LY75: variants seen among roughly 807,000 people sequenced by gnomAD.
The protein encoded by LY75 is lymphocyte antigen 75.
In LY75, 185 loss-of-function variants were observed where a neutral mutation model predicts 231.7. The ratio of observed to expected loss-of-function variants is 0.80; its 90% CI spans 0.71 to 0.90. LY75 has a LOEUF of 0.90. Among genes scored for constraint, LY75 ranks in the 40% least tolerant of loss-of-function variants. The pLI, the probability that LY75 is intolerant of heterozygous loss-of-function variation, is 0.00. For missense variants in LY75, 1,947 were observed against 2,050.2 expected, an observed-to-expected ratio of 0.95 and a Z score of 0.97; for synonymous variants, 668 against 689.0, an observed-to-expected ratio of 0.97 and a Z score of 0.48.
chr2:159,850,468 C>A lies in LY75; in HGVS notation c.2884-1G>T. ...ACACGGGTTTGATCTTTAGAAAACA[C>A]TGCAAACAAAGACATATGTGAAGCA... On this transcript the variant is annotated splice_acceptor_variant, in intron 21 of 34. Coordinates refer to ENST00000263636, the MANE Select transcript of LY75 (RefSeq NM_002349.4). LOFTEE classifies it high-confidence loss of function. 1 of 1,613,260 alleles carries A rather than the reference C, an allele frequency of 6.2e-7. No homozygotes were observed. The highest frequency in any genetic ancestry group is 8.5e-7 in the Non-Finnish European group (1 of 1,179,514).
chr2:159,840,014 A>AAAAAAAAAAAAAAAG (rs551332613), intron 25 of LY75, among the ~76,000 whole-genome samples: 2 of 149,532 alleles, frequency 1.3e-5, no homozygotes, highest in African/African-American at 4.9e-5. Context: ...TCAAAAAAAA[A>AAAAAAAAAAAAAAAG]AAAAAGAAAA....
rs745876529 is a variant in LY75 at position 159,853,333 on chromosome 2, G to A, written c.2683C>T (p.Arg895Cys). 1.7e-5 allele frequency: 27 copies of A among 1,613,318 alleles called. No individual in the cohort carries two copies. Among genetic ancestry groups the A allele is most frequent in the East Asian group, 4.5e-5 (2 of 44,842 alleles). Residue 895 changes from arginine (R) to cysteine (C), a missense_variant, in exon 20 of 35, where the codon CGC becomes TGC. Coordinates refer to ENST00000263636, the MANE Select transcript of LY75 (RefSeq NM_002349.4). ...HFTYSRYPWH[R>C]FPVTFGEECL... ...TCCTCTCCAAATGTCACAGGAAAGC[G>A]GTGCCATGGATATCGTGAGCTAAAA...
intron 1 of LY75, among the ~76,000 whole-genome samples, chr2:159,900,505 T>G (rs907640824): frequency 8.5e-5 from 13 of 152,320 alleles, no homozygotes; most frequent in African/African-American, 2.6e-4. Flanking sequence ...AAAGGCACTT[T>G]CATTTTGATA....
intron 31 of LY75, among the ~76,000 whole-genome samples, chr2:159,813,108 A>G (rs918255979): frequency 6.6e-6 from 1 of 152,198 alleles, no homozygotes; most frequent in African/African-American, 2.4e-5. Context: ...ATTATGAATT[A>G]TGCTGCTATG....
At chr2:159,812,240 A>C (rs538174123) in intron 31 of LY75, 7 of 148,000 alleles carry the variant, frequency 4.7e-5, no homozygotes, top group South Asian at 2.1e-4. Context: ...TAGGCTGCGT[A>C]CATTTTTTTT....
At position 159,872,341 on chromosome 2, in the gene LY75, A is replaced by G; in HGVS notation, c.2117+110T>C. The stretch of plus-strand genomic sequence containing the variant: ...AGCACCAAATGACCTTTTAGATAAT[A>G]AAACATGTCCATTTTTTTTCCAACA... On this transcript the variant is annotated intron_variant, in intron 13 of 34. Transcript: ENST00000263636. 3 of 1,418,550 alleles carry G rather than the reference A, an allele frequency of 2.1e-6. No homozygotes were observed. In the East Asian group the frequency reaches 7.0e-5, roughly 33 times the overall value. The allele number at this position is 1,418,550 out of a possible 1,614,324, so 87.9% of individuals were successfully genotyped here.
chr2:159,850,583 A>C, intron 21 of LY75, 116 bp from the exon 22 acceptor site: 1 of 1,310,502 alleles, frequency 7.6e-7, no homozygotes, highest in Non-Finnish European at 1.0e-6. Context: ...AGATATGGTA[A>C]TTTGCAATGT....
In LY75 at chr2:159,895,997, C is replaced by T. The variant is rs1360087431; in HGVS notation, c.467-1913G>A. 2.6e-5 allele frequency among the ~76,000 whole-genome samples: 4 copies of T among 152,318 alleles called. No individual in the cohort carries two copies. In the East Asian group the frequency reaches 7.7e-4, roughly 29 times the overall value. ...TATGATGATAGCATCCTTAAAACAA[C>T]AGCTTTATTATGCAATAGTTACAAA... On this transcript the variant is annotated intron_variant, in intron 2 of 34. Transcript: ENST00000263636.
intron 2 of LY75, 32 bp from the exon 3 acceptor site, chr2:159,894,116 G>A: frequency 5.1e-6 from 8 of 1,560,716 alleles, no homozygotes; most frequent in Non-Finnish European, 6.9e-6. Context: ...GGAAAAGAGA[G>A]TTAAAAACTG....
chr2:159,870,509 T>C (rs1684979144), intron 13 of LY75, among the ~76,000 whole-genome samples: 1 of 151,952 alleles, frequency 6.6e-6, no homozygotes, highest in African/African-American at 2.4e-5. Context: ...AACATTCTAT[T>C]CATTTATTTT....
chr2:159,868,075 G>A (rs1684907105), intron 13 of LY75, among the ~76,000 whole-genome samples: 1 of 152,122 alleles, frequency 6.6e-6, no homozygotes, highest in Admixed American at 6.6e-5. Context: ...TAATATAAAT[G>A]GGTTTGCTTC....
intron 2 of LY75, among the ~76,000 whole-genome samples, chr2:159,895,667 C>G (rs2125885080): frequency 6.6e-6 from 1 of 152,276 alleles, no homozygotes; most frequent in African/African-American, 2.4e-5. Flanking sequence ...TGAGAATGGG[C>G]TCTCTCTGAT....
At chr2:159,874,864 G>A (rs1478743976) in intron 12 of LY75, among the ~76,000 whole-genome samples, 4 of 125,008 alleles carry the variant, frequency 3.2e-5, no homozygotes, top group African/African-American at 6.1e-5. Context: ...TATATATTTT[G>A]TAAATATATA....
At chr2:159,853,124 G>T in intron 20 of LY75, 149 bp downstream of exon 20, 1 of 757,066 alleles carries the variant, frequency 1.3e-6, no homozygotes, top group East Asian at 2.7e-5. Flanking sequence ...ATTTGCATTG[G>T]GAATTTGAGC....
intron 8 of LY75, 35 bp downstream of exon 8, chr2:159,881,047 AG>A (rs1278029537): frequency 6.3e-7 from 1 of 1,595,746 alleles, no homozygotes; most frequent in East Asian, 2.2e-5. Flanking sequence ...TAGGTAAAAC[AG>A]GAAGAATATA....
chr2:159,830,494 A>T (rs1318864763), intron 28 of LY75, among the ~76,000 whole-genome samples: 1 of 151,918 alleles, frequency 6.6e-6, no homozygotes, highest in Non-Finnish European at 1.5e-5. Flanking sequence ...GTTTTAAAAA[A>T]TTTTGTTATC....
chr2:159,831,578 A>G, intron 28 of LY75, 92 bp downstream of exon 28: 1 of 1,354,372 alleles, frequency 7.4e-7, no homozygotes. Flanking sequence ...TCACGTATTG[A>G]TAGACATGTA....
chr2:159,864,579 AT>A, intron 14 of LY75, among the ~76,000 whole-genome samples: 1 of 152,112 alleles, frequency 6.6e-6, no homozygotes, highest in South Asian at 2.1e-4. Flanking sequence ...TGGCCTCTCT[AT>A]TCTGTTCCGT....
Position 159,840,945 on chromosome 2 carries a change from G to A in LY75, c.3291C>T (p.Ser1097=). ...CTGAAGCATTCTGCAACGTCTGTCT[G>A]CTTTTAACTTCTGCATGTAAAAGAA... The part of the protein sequence containing the change: ...SLCQKYSEVK[S]RQTLQNASET... Residue 1097 remains serine, a synonymous_variant, in exon 25 of 35, where the codon AGC becomes AGT. Coordinates refer to ENST00000263636, the MANE Select transcript of LY75 (RefSeq NM_002349.4). 1.2e-6 allele frequency: 2 copies of A among 1,613,352 alleles called. No homozygotes were observed. Among genetic ancestry groups the A allele is most frequent in the South Asian group, 2.2e-5 (2 of 91,064 alleles).
Sources: allele counts gnomAD v4.1 joint callset (sites outside exome capture counted in the v4.1 genomes callset), GRCh38; gene constraint gnomAD v4.1.1; transcripts MANE v1.5; gene names NCBI Gene and HGNC (gene_info 2026-07-23, HGNC 2026-07-21).